ADGRL4: variants seen among roughly 807,000 people sequenced by gnomAD.
ADGRL4 encodes the protein EGF, latrophilin and seven transmembrane domain containing 1.
Under a neutral mutation model 74.8 loss-of-function variants are expected in ADGRL4, and 90 were observed. The observed-to-expected ratio is 1.20, with a 90% CI of 1.02 to 1.43. The LOEUF (loss-of-function observed/expected upper bound fraction) is 1.43, where lower values mean the gene tolerates loss of function less well. Ranked by LOEUF, ADGRL4 falls within the 40% of genes most tolerant of loss-of-function variation. ADGRL4 has a pLI of 0.00. For synonymous variants in ADGRL4, 311 were observed against 279.2 expected (o/e 1.11, Z -1.14); for missense variants, 881 against 814.3 (o/e 1.08, Z -1.00).
chr1:78,914,773 G>C (rs1648835969), intron 12 of ADGRL4, among the ~76,000 whole-genome samples: 1 of 151,798 alleles, frequency 6.6e-6, no homozygotes, highest in African/African-American at 2.4e-5. Flanking sequence ...AGTAGGGGCA[G>C]AGTGGTTGGT....
intron 2 of ADGRL4, among the ~76,000 whole-genome samples, chr1:78,983,455 A>AG (rs1284705977): frequency 8.9e-6 from 1 of 112,672 alleles, no homozygotes. Context: ...CTCTAGAATT[A>AG]GAAAAAAAAA....
chr1:78,960,517 A>G (rs1384797363), intron 2 of ADGRL4, among the ~76,000 whole-genome samples: 1 of 152,302 alleles, frequency 6.6e-6, no homozygotes, highest in East Asian at 1.9e-4. Context: ...CACATGACAA[A>G]GCTAACTGTG....
intron 7 of ADGRL4, among the ~76,000 whole-genome samples, chr1:78,929,221 T>C (rs912240069): frequency 4.0e-5 from 6 of 151,232 alleles, no homozygotes; most frequent in Non-Finnish European, 8.8e-5. Context: ...AAATATACAT[T>C]TAAAAATCCA....
intron 2 of ADGRL4, among the ~76,000 whole-genome samples, chr1:78,991,058 C>T (rs540135583): frequency 6.6e-6 from 1 of 152,080 alleles, no homozygotes; most frequent in South Asian, 2.1e-4. Context: ...CTTTAATTAT[C>T]AAAAATGCAT....
At chr1:78,927,312 T>A (rs1236064285) in intron 7 of ADGRL4, among the ~76,000 whole-genome samples, 1 of 152,118 alleles carries the variant, frequency 6.6e-6, no homozygotes, top group African/African-American at 2.4e-5. Context: ...AATCATGAAC[T>A]GTGTAGTATC....
intron 2 of ADGRL4, among the ~76,000 whole-genome samples, chr1:78,951,068 TGGCATTTCTCAGCTCCTGAGAAAAGG>T (rs1649712756): frequency 6.6e-6 from 1 of 152,170 alleles, no homozygotes; most frequent in Non-Finnish European, 1.5e-5. Context: ...TTCAAGAGCA[TGGCATTTCTCAGCTCCTGAGAAAAGG>T]GGCAAGCCTG....
chr1:78,986,932 A>G (rs1650510685), intron 2 of ADGRL4, among the ~76,000 whole-genome samples: 1 of 151,820 alleles, frequency 6.6e-6, no homozygotes, highest in African/African-American at 2.4e-5. Flanking sequence ...TGTAGCAATA[A>G]GATGCTTTGA....
At chr1:78,963,047 G>GA (rs758943632) in intron 2 of ADGRL4, among the ~76,000 whole-genome samples, 2 of 151,914 alleles carry the variant, frequency 1.3e-5, no homozygotes, top group Non-Finnish European at 2.9e-5. Context: ...GATTCTCAAG[G>GA]AAAAAAGATC....
chr1:78,963,567 T>C (rs1028381235), intron 2 of ADGRL4, among the ~76,000 whole-genome samples: 1 of 152,224 alleles, frequency 6.6e-6, no homozygotes, highest in Non-Finnish European at 1.5e-5. Flanking sequence ...TGAATTCTTG[T>C]TTTATACCCT....
At chr1:78,903,904 C>G (rs1169419066) in intron 12 of ADGRL4, among the ~76,000 whole-genome samples, 1 of 151,024 alleles carries the variant, frequency 6.6e-6, no homozygotes, top group African/African-American at 2.4e-5. Context: ...CCACTGCACT[C>G]CAGCCTGGTG....
intron 2 of ADGRL4, among the ~76,000 whole-genome samples, chr1:78,979,275 T>C (rs1439636061): frequency 1.3e-5 from 2 of 151,980 alleles, no homozygotes; most frequent in African/African-American, 2.4e-5. Context: ...TCAAATCCCA[T>C]ACCTTGATTT....
At chr1:78,917,540 T>C (rs1570225816) in intron 12 of ADGRL4, 94 bp downstream of exon 12, 1 of 711,882 alleles carries the variant, frequency 1.4e-6, no homozygotes, top group East Asian at 2.8e-5. Flanking sequence ...ATTCAAATTC[T>C]TCTTTTTTAG....
intron 12 of ADGRL4, among the ~76,000 whole-genome samples, chr1:78,907,328 A>G (rs1381883106): frequency 6.6e-6 from 1 of 152,054 alleles, no homozygotes; most frequent in Non-Finnish European, 1.5e-5. Flanking sequence ...TTTCCATTTT[A>G]GGGAAGGAAA....
chr1:78,911,800 A>G (rs1456759413), intron 12 of ADGRL4, among the ~76,000 whole-genome samples: 1 of 151,854 alleles, frequency 6.6e-6, no homozygotes. Flanking sequence ...TTTAATTGTT[A>G]AAAAATAAGT....
At chr1:78,896,339 T>G (rs1435833226) in intron 12 of ADGRL4, among the ~76,000 whole-genome samples, 1 of 152,154 alleles carries the variant, frequency 6.6e-6, no homozygotes, top group Non-Finnish European at 1.5e-5. Context: ...ATTCTAATCT[T>G]ACATGTCTGT....
At chr1:78,971,353 G>A (rs141146351) in intron 2 of ADGRL4, among the ~76,000 whole-genome samples, 93 of 152,178 alleles carry the variant, frequency 6.1e-4, no homozygotes, top group African/African-American at 2.1e-3. Flanking sequence ...ATGTATACAT[G>A]TGTCATGTTG....
At chr1:79,001,179 G>T (rs1231407449) in intron 2 of ADGRL4, among the ~76,000 whole-genome samples, 4 of 95,374 alleles carry the variant, frequency 4.2e-5, no homozygotes, top group East Asian at 4.2e-4. Flanking sequence ...AGGGAGAGGG[G>T]GGGGAGGGAG....
intron 12 of ADGRL4, among the ~76,000 whole-genome samples, chr1:78,917,419 T>G (rs1648898043): frequency 6.6e-6 from 1 of 150,628 alleles, no homozygotes; most frequent in Non-Finnish European, 1.5e-5. Context: ...ATTTTATATT[T>G]AAAAAGTATA....
At position 78,936,343 on chromosome 1, in the gene ADGRL4, CTCCA is replaced by C. The variant is rs746358376; in HGVS notation, c.825_828del (p.Asp275GlufsTer4). 1 of 1,593,754 alleles carries C rather than the reference CTCCA, an allele frequency of 6.3e-7. No homozygotes were observed. Among genetic ancestry groups the C allele is most frequent in the Non-Finnish European group, 8.5e-7 (1 of 1,172,558 alleles). On this transcript the variant is annotated frameshift_variant, in exon 7 of 15. Coordinates refer to ENST00000370742, the MANE Select transcript of ADGRL4 (RefSeq NM_022159.4). LOFTEE classifies it high-confidence loss of function. ...CTCTTTGGAAATATATTTATGTAGT[CTCCA>C]TCCATATTCATATGAGGATGAATAT...
Sources: gnomAD v4.1 joint callset for allele counts (sites outside exome capture counted in the v4.1 genomes callset) on GRCh38, gnomAD v4.1.1 for gene constraint, MANE v1.5 for transcripts, NCBI Gene and HGNC (gene_info 2026-07-23, HGNC 2026-07-21) for gene names.